FCN1: variants seen among roughly 807,000 people sequenced by gnomAD.
FCN1 encodes the protein ficolin 1.
In FCN1, 42 loss-of-function variants were observed where a neutral mutation model predicts 35.6. The observed-to-expected ratio is 1.18, with a 90% CI of 0.92 to 1.53. The LOEUF is 1.53. Among genes scored for constraint, FCN1 ranks in the 40% most tolerant of loss-of-function variants. The pLI, the probability that FCN1 is intolerant of heterozygous loss-of-function variation, is 0.00. For synonymous variants in FCN1, 179 were observed against 169.8 expected, an observed-to-expected ratio of 1.05 and a Z score of -0.42; for missense variants, 439 against 428.4, an observed-to-expected ratio of 1.02 and a Z score of -0.22.
Position 134,909,114 on chromosome 9 carries a change from T to G in FCN1, c.*684A>C. The G allele has an allele frequency of 2.1e-6, 2 of 941,488 alleles. No individual in the cohort carries two copies. Among genetic ancestry groups the G allele is most frequent in the Non-Finnish European group, 2.9e-6 (2 of 695,818 alleles). The allele number at this position is 941,488 out of a possible 1,614,324, so 58.3% of individuals were successfully genotyped here. ...CGCGGTCCCCTCTAGCTGAGGTCTG[T>G]GTGTGGGAGGAAGGCCTCTTCGGAA... is the stretch of plus-strand genomic sequence containing the variant. On this transcript the variant is annotated 3_prime_UTR_variant, in exon 9 of 9. Coordinates refer to ENST00000371806, the MANE Select transcript of FCN1 (RefSeq NM_002003.5).
In FCN1 at chr9:134,916,460, CT is replaced by C; in HGVS notation, c.104del (p.Glu35GlyfsTer2). ...AGCCCTCCAGGCCCACCACCTTCAC[CT>C]CTGCAGAGAAACACAGGTGCCCACT... ...LPAQAADTCP[E>X]VKVVGLEGSD... On this transcript the variant is annotated frameshift_variant and splice_region_variant, in exon 2 of 9. Coordinates refer to ENST00000371806, the MANE Select transcript of FCN1 (RefSeq NM_002003.5). LOFTEE classifies it high-confidence loss of function. The C allele has an allele frequency of 1.9e-6, 3 of 1,614,090 alleles. No homozygotes were observed. Among genetic ancestry groups the C allele is most frequent in the Middle Eastern group, 3.3e-4 (2 of 6,058 alleles).
chr9:134,916,348 C>A lies in FCN1; in HGVS notation c.217G>T (p.Gly73Ter). ...KGEAGVIGER[G>*]ERGLPGAPGK... Reference sequence around the variant, plus strand: ...GCCTCCCCACCCGGCCCGCACCTACCTCTCTCTCCAATGACACCTGCCTCT... The same window carrying A: ...GCCTCCCCACCCGGCCCGCACCTACATCTCTCTCCAATGACACCTGCCTCT... The change falls in exon 2 of 9, where the codon GGA becomes TGA. Residue 73 changes from glycine (G) to a stop codon, truncating the protein, a stop_gained and splice_region_variant. Transcript: ENST00000371806. LOFTEE classifies it high-confidence loss of function. The A allele has an allele frequency of 1.2e-6, 2 of 1,612,486 alleles. No individual in the cohort carries two copies. The highest frequency in any genetic ancestry group is 1.7e-6 in the Non-Finnish European group (2 of 1,178,566).
rs375587707 is a variant in FCN1, at chr9:134,913,159, G to A, written c.341-16C>T. 1.7e-5 allele frequency: 27 copies of A among 1,613,148 alleles called. No individual in the cohort carries two copies. Among genetic ancestry groups the A allele is most frequent in the African/African-American group, 1.2e-4 (9 of 74,918 alleles). ...TTGCGTGGGCCTGGGAAGGGAACCC[G>A]GGGAATGGCTGCAGGACGGGGGCCC... On this transcript the variant is annotated splice_polypyrimidine_tract_variant and intron_variant, in intron 5 of 8. Coordinates refer to ENST00000371806, the MANE Select transcript of FCN1 (RefSeq NM_002003.5).
rs1477640252 is a variant in FCN1, at chr9:134,906,157, T to C, written c.*3641A>G. The C allele has an allele frequency of 2.0e-5, 3 of 152,356 alleles. No individual in the cohort carries two copies. Among genetic ancestry groups the C allele is most frequent in the Non-Finnish European group, 4.4e-5 (3 of 68,514 alleles). 9.4% of individuals were successfully genotyped at this position (152,356 alleles called of 1,614,324 possible). ...GGTTTCATCATGTTGGCCAGGCTGG[T>C]CTTGAACTCCTGATCTCAAGTGATC... On this transcript the variant is annotated 3_prime_UTR_variant, in exon 9 of 9. Transcript: ENST00000371806.
Position 134,909,946 on chromosome 9 carries a change from C to G in FCN1, c.833G>C (p.Trp278Ser). 6.2e-7 allele frequency: 1 copy of G among 1,614,176 alleles called. No homozygotes were observed. Among genetic ancestry groups the G allele is most frequent in the Non-Finnish European group, 8.5e-7 (1 of 1,180,038 alleles). The change falls in exon 9 of 9, where the codon TGG becomes TCG. Residue 278 changes from tryptophan (W) to serine (S), a missense_variant. Physicochemically the swap from Trp to Ser is radical, Grantham distance 177 (BLOSUM62 -3). Transcript: ENST00000371806. ...SNCAEKFQGAWWYADCHASNL... is the reference protein window; with the variant it reads ...SNCAEKFQGASWYADCHASNL... ...TGAAGCATGACAGTCGGCGTACCACCAGGCTCCTTGGAACTTCTCAGCACA... is the reference window on the plus strand; with the variant it reads ...TGAAGCATGACAGTCGGCGTACCACGAGGCTCCTTGGAACTTCTCAGCACA...
At chr9:134,916,258 G>A (rs1357434356) in intron 2 of FCN1, 90 bp downstream of exon 2, 1 of 989,032 alleles carries the variant, frequency 1.0e-6, no homozygotes, top group Non-Finnish European at 1.6e-6. Flanking sequence ...AACCACGGTG[G>A]GGGTGTTGCC....
Position 134,908,031 on chromosome 9 carries a change from C to T in FCN1, c.*1767G>A, listed in dbSNP as rs1403396597. The T allele has an allele frequency of 6.6e-6, 1 of 152,200 alleles. No individual in the cohort carries two copies. Among genetic ancestry groups the T allele is most frequent in the African/African-American group, 2.4e-5 (1 of 41,442 alleles). 9.4% of individuals were successfully genotyped at this position (152,200 alleles called of 1,614,324 possible). A position where few individuals can be genotyped will look rare whatever the true frequency, so the allele number is the denominator to read the frequency against. ...TGCCAAGCCATTTTCCAGGTTGGTT[C>T]CATCAATTCGCATTGTTACTAGCAG... On this transcript the variant is annotated 3_prime_UTR_variant, in exon 9 of 9. Coordinates refer to ENST00000371806, the MANE Select transcript of FCN1 (RefSeq NM_002003.5).
chr9:134,912,735 CG>C, intron 6 of FCN1, 120 bp from the exon 7 acceptor site: 1 of 1,361,512 alleles, frequency 7.3e-7, no homozygotes. Context: ...CGGTGCCACA[CG>C]CACGCCCATC....
chr9:134,905,119 GCAAGCATAAACAC>G lies in FCN1; in HGVS notation c.*4666_*4678del, dbSNP rs1320536576. 6.6e-6 allele frequency among the ~76,000 whole-genome samples: 1 copy of G among 152,110 alleles called. No individual in the cohort carries two copies. The highest frequency in any genetic ancestry group is 1.5e-5 in the Non-Finnish European group (1 of 68,022). On this transcript the variant is annotated 3_prime_UTR_variant, in exon 9 of 9. Coordinates refer to ENST00000371806, the MANE Select transcript of FCN1 (RefSeq NM_002003.5). ...AAAATCAAGGCTATATATTGCAATC[GCAAGCATAAACAC>G]CAAAAGATAGGAAAAGAATGAACAA...
chr9:134,910,278 C>G (rs532247019), intron 8 of FCN1, among the ~76,000 whole-genome samples: 1 of 152,234 alleles, frequency 6.6e-6, no homozygotes, highest in African/African-American at 2.4e-5. Context: ...CTCCAGCAAC[C>G]ACCTGTTTCC....
chr9:134,911,396 G>A (rs1418399769), intron 7 of FCN1, 129 bp from the exon 8 acceptor site: 3 of 771,466 alleles, frequency 3.9e-6, no homozygotes, highest in Non-Finnish European at 6.1e-6. Context: ...CCAGGCTGGA[G>A]TGCAATGGCA....
intron 2 of FCN1, 105 bp downstream of exon 2, chr9:134,916,243 C>G: frequency 1.1e-6 from 1 of 894,416 alleles, no homozygotes; most frequent in South Asian, 1.4e-5. Context: ...GGCTCTTGAT[C>G]TAGGAACCAC....
rs1032471483 is a variant in FCN1 at position 134,906,490 on chromosome 9, A to T, written c.*3308T>A. On this transcript the variant is annotated 3_prime_UTR_variant, in exon 9 of 9. Transcript: ENST00000371806. ...TCTCCTGCGGCATTTCAGCTGTCTA[A>T]TGAGAAAACCCTCCTTAGCACTAAT... 1 of 152,212 alleles carries T rather than the reference A, an allele frequency of 6.6e-6. No homozygotes were observed. The highest frequency in any genetic ancestry group is 1.5e-5 in the Non-Finnish European group (1 of 68,036). 9.4% of individuals were successfully genotyped at this position (152,212 alleles called of 1,614,324 possible).
At chr9:134,912,951 A>G in intron 6 of FCN1, 65 bp downstream of exon 6, 10 of 1,577,990 alleles carry the variant, frequency 6.3e-6, no homozygotes, top group Non-Finnish European at 8.6e-6. Flanking sequence ...GTGTTCTACA[A>G]CCAGGTGTGC....
At position 134,913,024 on chromosome 9, in the gene FCN1, C is replaced by T. The variant is rs532804246; in HGVS notation, c.460G>A (p.Gly154Ser). 8.1e-6 allele frequency: 13 copies of T among 1,611,678 alleles called. No homozygotes were observed. In the African/African-American group the frequency reaches 1.2e-4, roughly 15 times the overall value. ...CCCAGCCCCACACTCACGGTCCAGC[C>T]CCCTCCGTCCGTGTCCATGTCACAG... The part of the protein sequence containing the change: ...VLCDMDTDGG[G>S]WTVFQRRMDG... The change falls in exon 6 of 9, where the codon GGC becomes AGC. Residue 154 changes from glycine to serine, a missense_variant. Gly to Ser is a moderately conservative substitution (Grantham distance 56). Transcript: ENST00000371806.
chr9:134,911,800 C>A (rs1480160429), intron 7 of FCN1, among the ~76,000 whole-genome samples: 1 of 152,224 alleles, frequency 6.6e-6, no homozygotes, highest in African/African-American at 2.4e-5. Context: ...GAGAACTGAA[C>A]ATGCCCCACT....
In FCN1 at chr9:134,907,599, C is replaced by T. The variant is rs1364036832; in HGVS notation, c.*2199G>A. ...ATGTGGTCCCACCCTCAAATACAAT[C>T]ACTTTCTTATTTTTCCTGTATACAT... On this transcript the variant is annotated 3_prime_UTR_variant, in exon 9 of 9. Coordinates refer to ENST00000371806, the MANE Select transcript of FCN1 (RefSeq NM_002003.5). The T allele has an allele frequency of 6.6e-6, 1 of 152,178 alleles. No individual in the cohort carries two copies. The highest frequency in any genetic ancestry group is 1.5e-5 in the Non-Finnish European group (1 of 68,026). The allele number at this position is 152,178 out of a possible 1,614,324, so 9.4% of individuals were successfully genotyped here. A position where few individuals can be genotyped will look rare whatever the true frequency, so the allele number is the denominator to read the frequency against.
chr9:134,917,791 G>C lies in FCN1; in HGVS notation c.81C>G (p.Ala27=). The C allele has an allele frequency of 2.5e-6, 4 of 1,613,548 alleles. No individual in the cohort carries two copies. The highest frequency in any genetic ancestry group is 3.4e-6 in the Non-Finnish European group (4 of 1,179,562). Residue 27 remains alanine (A), a synonymous_variant, in exon 1 of 9, where the codon GCC becomes GCG. Transcript: ENST00000371806. The part of the protein sequence containing the change: ...VLFLHIKNLP[A]QAADTCPEVK... ...CACCTGGACATGTGTCCGCAGCCTG[G>C]GCAGGCAGGTTCTTGATATGCAGGA...
At chr9:134,912,677 C>A (rs1332430689) in intron 6 of FCN1, 62 bp from the exon 7 acceptor site, 4 of 1,609,570 alleles carry the variant, frequency 2.5e-6, no homozygotes, top group South Asian at 1.1e-5. Flanking sequence ...GCACCGGGGA[C>A]CCGCCCTCCA....
Sources: allele counts gnomAD v4.1 joint callset (sites outside exome capture counted in the v4.1 genomes callset), GRCh38; gene constraint gnomAD v4.1.1; transcripts MANE v1.5; gene names NCBI Gene and HGNC (gene_info 2026-07-23, HGNC 2026-07-21).